The following TRPV4 variants were observed in gnomAD, a reference collection of about 807,000 sequenced individuals.
The protein encoded by TRPV4 is OSM9-like transient receptor potential channel 4.
A neutral mutation model predicts 84.1 loss-of-function variants in TRPV4; 58 were observed. The observed-to-expected ratio is 0.69, with a 90% confidence interval of 0.56 to 0.86. The LOEUF is 0.86. Among genes scored for constraint, TRPV4 ranks in the 40% least tolerant of loss-of-function variants. The pLI is 0.00. For missense variants in TRPV4, 879 were observed against 1,181.1 expected (o/e 0.74, Z 3.75); for synonymous variants, 489 against 500.9 (o/e 0.98, Z 0.32).
At chr12:109,802,379 G>A (rs1393448919) in intron 4 of TRPV4, among the ~76,000 whole-genome samples, 114 of 149,962 alleles carry the variant, frequency 7.6e-4, no homozygotes, top group Non-Finnish European at 6.8e-4. Context: ...TTGGCTCACT[G>A]CAACCTCCAC....
intron 1 of TRPV4, among the ~76,000 whole-genome samples, chr12:109,828,527 A>G (rs934087026): frequency 6.6e-5 from 10 of 152,152 alleles, no homozygotes; most frequent in Non-Finnish European, 1.5e-5. Flanking sequence ...AGCCAGAATA[A>G]CCCAAATCCC....
intron 1 of TRPV4, among the ~76,000 whole-genome samples, chr12:109,817,176 A>T (rs569631217): frequency 1.7e-4 from 26 of 152,142 alleles, no homozygotes; most frequent in African/African-American, 6.0e-4. Flanking sequence ...GCTCTGCAGG[A>T]ATGGGGGCCA....
At chr12:109,791,657 AT>A (rs1375447773) in intron 12 of TRPV4, among the ~76,000 whole-genome samples, 1 of 150,078 alleles carries the variant, frequency 6.7e-6, no homozygotes, top group Non-Finnish European at 1.5e-5. Context: ...TAATTTTTGT[AT>A]TTTTTGGTAG....
chr12:109,784,088 G>A (rs898690951), intron 15 of TRPV4, among the ~76,000 whole-genome samples: 1 of 152,184 alleles, frequency 6.6e-6, no homozygotes, highest in Non-Finnish European at 1.5e-5. Flanking sequence ...TGGCTGAGGA[G>A]CTCGTCCTCC....
In TRPV4 at chr12:109,786,647, G is replaced by C. The variant is rs1889699939; in HGVS notation, c.2336+63C>G. 2.5e-6 allele frequency: 4 copies of C among 1,605,236 alleles called. No homozygotes were observed. Among genetic ancestry groups the C allele is most frequent in the South Asian group, 2.2e-5 (2 of 90,216 alleles). On this transcript the variant is annotated intron_variant, in intron 14 of 15. Coordinates refer to ENST00000261740, the MANE Select transcript of TRPV4 (RefSeq NM_021625.5). This position sits in a 1 kb window ranked among gnomAD's most constrained non-coding sequence, Gnocchi z 4.5. Reference sequence around the variant, plus strand: ...ATGGGTAGACGACGCTGGAGCAGCAGGGGCCCCGAGCCAGTGGGGACAGTT... The same window carrying C: ...ATGGGTAGACGACGCTGGAGCAGCACGGGCCCCGAGCCAGTGGGGACAGTT...
intron 1 of TRPV4, among the ~76,000 whole-genome samples, chr12:109,828,703 C>T (rs545280175): frequency 1.2e-4 from 19 of 152,348 alleles, no homozygotes; most frequent in African/African-American, 3.8e-4. Context: ...AGAAGCTAAG[C>T]TGGCCACTGG....
At chr12:109,824,311 G>T (rs1892192366) in intron 1 of TRPV4, among the ~76,000 whole-genome samples, 1 of 152,178 alleles carries the variant, frequency 6.6e-6, no homozygotes, top group Non-Finnish European at 1.5e-5. Flanking sequence ...GGAGCTCAAG[G>T]ATACAAAGTC....
At position 109,793,675 on chromosome 12, in the gene TRPV4, A is replaced by G; in HGVS notation, c.1585-75T>C. 1 of 1,262,180 alleles carries G rather than the reference A, an allele frequency of 7.9e-7. No homozygotes were observed. 78.2% of individuals were successfully genotyped at this position (1,262,180 alleles called of 1,614,324 possible). A position where few individuals can be genotyped will look rare whatever the true frequency, so the allele number is the denominator to read the frequency against. ...AGAGGAGGAGAGAGGAGACAGAGAA[A>G]GGGATAGAAGAGAGGGAGGCAGAGG... On this transcript the variant is annotated intron_variant, in intron 9 of 15. Coordinates refer to ENST00000261740, the MANE Select transcript of TRPV4 (RefSeq NM_021625.5). This position sits in a 1 kb window ranked among gnomAD's most constrained non-coding sequence, Gnocchi z 4.0.
intron 1 of TRPV4, among the ~76,000 whole-genome samples, chr12:109,820,867 G>A (rs193269645): frequency 1.3e-4 from 20 of 152,268 alleles, no homozygotes; most frequent in African/African-American, 4.8e-4. Flanking sequence ...GTTGTGAGAG[G>A]TATATACCTT....
At position 109,786,926 on chromosome 12, in the gene TRPV4, G is replaced by A; in HGVS notation, c.2209-89C>T. On this transcript the variant is annotated intron_variant, in intron 13 of 15. Coordinates refer to ENST00000261740, the MANE Select transcript of TRPV4 (RefSeq NM_021625.5). The surrounding 1 kb of genome is among the most constrained non-coding windows in gnomAD (Gnocchi z 4.5). ...TGGCAGAAATGAGACAACGGGCCAG[G>A]GTGGGCCCAGAACTAGGCATTTAGA... The A allele has an allele frequency of 6.3e-7, 1 of 1,580,434 alleles. No individual in the cohort carries two copies. Among genetic ancestry groups the A allele is most frequent in the East Asian group, 2.3e-5 (1 of 44,130 alleles).
chr12:109,808,351 C>G lies in TRPV4; in HGVS notation c.504G>C (p.Gly168=). 2 of 1,614,208 alleles carry G rather than the reference C, an allele frequency of 1.2e-6. No individual in the cohort carries two copies. Among genetic ancestry groups the G allele is most frequent in the Non-Finnish European group, 1.7e-6 (2 of 1,180,030 alleles). Residue 168 remains glycine, a synonymous_variant, in exon 3 of 16, where the codon GGG becomes GGC. Coordinates refer to ENST00000261740, the MANE Select transcript of TRPV4 (RefSeq NM_021625.5). ...VSRGSTADLD[G]LLPFLLTHKK... is the part of the protein sequence containing the mutation. ...TGTGGGTCAGCAAGAATGGGAGCAG[C>G]CCGTCCAGGTCAGCAGTGGAGCCCC...
intron 1 of TRPV4, among the ~76,000 whole-genome samples, chr12:109,822,046 G>A (rs58118359): frequency 0.052 from 7,967 of 152,150 alleles, 374 homozygotes; most frequent in African/African-American, 0.12. Flanking sequence ...ATCCTGATGG[G>A]GAGGGGGAAA....
At chr12:109,824,918 C>T (rs190696009) in intron 1 of TRPV4, among the ~76,000 whole-genome samples, 142 of 152,280 alleles carry the variant, frequency 9.3e-4, no homozygotes, top group Non-Finnish European at 1.7e-3. Context: ...TGGTCTTGCA[C>T]AAGTCACATC....
In TRPV4 at chr12:109,798,465, G is replaced by C; in HGVS notation, c.1152+149C>G. ...GCTGGACACTAGGGAGCCATAGCAG[G>C]TTCTTGAGCTGGGACATCTGCACAC... is the stretch of plus-strand genomic sequence containing the variant. On this transcript the variant is annotated intron_variant, in intron 6 of 15. Coordinates refer to ENST00000261740, the MANE Select transcript of TRPV4 (RefSeq NM_021625.5). The surrounding 1 kb of genome is among the most constrained non-coding windows in gnomAD (Gnocchi z 5.0). 1 of 1,004,250 alleles carries C rather than the reference G, an allele frequency of 1.0e-6. No individual in the cohort carries two copies. The highest frequency in any genetic ancestry group is 1.5e-6 in the Non-Finnish European group (1 of 677,166). 62.2% of individuals were successfully genotyped at this position (1,004,250 alleles called of 1,614,324 possible). A position where few individuals can be genotyped will look rare whatever the true frequency, so the allele number is the denominator to read the frequency against.
In TRPV4 at chr12:109,816,284, C is replaced by T. The variant is rs1302469779; in HGVS notation, c.-31-1457G>A. On this transcript the variant is annotated intron_variant, in intron 1 of 15. Coordinates refer to ENST00000261740, the MANE Select transcript of TRPV4 (RefSeq NM_021625.5). ...TTGGACACCAAAAGGGAGAGACAGCCTGGCCTTTGGAGTCATTCAGGCCTG... is the reference window on the plus strand; with the variant it reads ...TTGGACACCAAAAGGGAGAGACAGCTTGGCCTTTGGAGTCATTCAGGCCTG... Among the ~76,000 whole-genome samples the T allele has an allele frequency of 5.3e-5, 8 of 152,330 alleles. No individual in the cohort carries two copies. In the South Asian group the frequency reaches 1.7e-3, roughly 32 times the overall value.
At chr12:109,806,369 T>TTA (rs1555209286) in intron 3 of TRPV4, among the ~76,000 whole-genome samples, 1 of 149,554 alleles carries the variant, frequency 6.7e-6, no homozygotes, top group African/African-American at 2.5e-5. Flanking sequence ...TTTTTTTTTT[T>TTA]TTTTTTTGTA....
chr12:109,798,416 T>A lies in TRPV4; in HGVS notation c.1152+198A>T, dbSNP rs760780505. On this transcript the variant is annotated intron_variant, in intron 6 of 15. Transcript: ENST00000261740. This position sits in a 1 kb window ranked among gnomAD's most constrained non-coding sequence, Gnocchi z 5.0. The stretch of plus-strand genomic sequence containing the variant: ...AGTAGGGTGACATGAGGCGAGAGGC[T>A]CGGGGATGAAGCTAAGGAGCTTGGC... 6.6e-6 allele frequency among the ~76,000 whole-genome samples: 1 copy of A among 151,918 alleles called. No homozygotes were observed. Among genetic ancestry groups the A allele is most frequent in the South Asian group, 2.1e-4 (1 of 4,814 alleles).
At position 109,798,531 on chromosome 12, in the gene TRPV4, T is replaced by G; in HGVS notation, c.1152+83A>C. 6.4e-7 allele frequency: 1 copy of G among 1,554,300 alleles called. No homozygotes were observed. The highest frequency in any genetic ancestry group is 8.7e-7 in the Non-Finnish European group (1 of 1,144,440). On this transcript the variant is annotated intron_variant, in intron 6 of 15. Transcript: ENST00000261740. This position sits in a 1 kb window ranked among gnomAD's most constrained non-coding sequence, Gnocchi z 5.0. ...GGGAGGTGCATGCACGTATTAATAA[T>G]GAATACCAGCAGCAGACCCTCGTGT...
intron 2 of TRPV4, among the ~76,000 whole-genome samples, chr12:109,809,984 T>G (rs1415408872): frequency 6.6e-6 from 1 of 152,118 alleles, no homozygotes; most frequent in Non-Finnish European, 1.5e-5. Flanking sequence ...TGTCTGGAGC[T>G]TGTATGTGCA....
Sources: gnomAD v4.1 joint callset for allele counts (sites outside exome capture counted in the v4.1 genomes callset) on GRCh38, gnomAD v4.1.1 for gene constraint, Gnocchi (gnomAD v3.1) non-coding constraint, MANE v1.5 for transcripts, NCBI Gene and HGNC (gene_info 2026-07-23, HGNC 2026-07-21) for gene names.